Variants in PTPRE observed in about 807,000 individuals in gnomAD.
The protein encoded by PTPRE is receptor-type tyrosine-protein phosphatase epsilon.
Under a neutral mutation model 102.0 loss-of-function variants are expected in PTPRE, and 51 were observed. The observed-to-expected ratio is 0.50, with a 90% confidence interval of 0.40 to 0.63. The LOEUF is 0.63. PTPRE is among the 30% of genes least tolerant of loss of function. The pLI, the probability that PTPRE is intolerant of heterozygous loss-of-function variation, is 0.00. For synonymous variants in PTPRE, 345 were observed against 348.2 expected (o/e 0.99, Z 0.10); for missense variants, 752 against 915.1 (o/e 0.82, Z 2.30).
Position 128,047,484 on chromosome 10 carries a change from C to T in PTPRE, c.204C>T (p.Phe68=), listed in dbSNP as rs757617007. Reference sequence around the variant, plus strand: ...TCGTGCTCCTTCTCGCCGCCTACTTCTTCAGGTAGGAGTGTCCCGGGGCAC... The same window carrying T: ...TCGTGCTCCTTCTCGCCGCCTACTTTTTCAGGTAGGAGTGTCCCGGGGCAC... ...LLLVLLLAAY[F]FRFRKQRKAV... is the part of the protein sequence containing the mutation. The change falls in exon 4 of 21, where the codon TTC becomes TTT. Residue 68 remains phenylalanine, a synonymous_variant. Transcript: ENST00000254667. 2 of 1,613,364 alleles carry T rather than the reference C, an allele frequency of 1.2e-6. No homozygotes were observed. The highest frequency in any genetic ancestry group is 1.7e-6 in the Non-Finnish European group (2 of 1,180,024).
At chr10:127,949,402 A>C (rs976596195) in intron 1 of PTPRE, among the ~76,000 whole-genome samples, 6 of 152,156 alleles carry the variant, frequency 3.9e-5, no homozygotes, top group African/African-American at 1.4e-4. Flanking sequence ...AGTTTCTGGA[A>C]TTGGCTCTCT....
intron 1 of PTPRE, among the ~76,000 whole-genome samples, chr10:127,961,438 G>A (rs1327886572): frequency 1.3e-5 from 2 of 152,092 alleles, no homozygotes; most frequent in African/African-American, 2.4e-5. Context: ...GAGAGGAAAC[G>A]GTAAAGACCC....
intron 2 of PTPRE, 120 bp downstream of exon 2, chr10:127,982,416 T>A: frequency 2.9e-6 from 2 of 684,568 alleles, no homozygotes; most frequent in Non-Finnish European, 4.2e-6. Flanking sequence ...ATATGGTCAG[T>A]GTGTTATATT....
chr10:127,908,685 C>T (rs1026327677), intron 1 of PTPRE, among the ~76,000 whole-genome samples: 2 of 152,164 alleles, frequency 1.3e-5, no homozygotes, highest in East Asian at 1.9e-4. Context: ...GTGGGGGCTG[C>T]GCTGTCAGTG....
At chr10:127,918,206 G>T (rs1185846169) in intron 1 of PTPRE, among the ~76,000 whole-genome samples, 3 of 152,074 alleles carry the variant, frequency 2.0e-5, no homozygotes, top group African/African-American at 7.2e-5. Flanking sequence ...TGGCTCCCAT[G>T]ACTCTTATCT....
chr10:127,991,786 G>T (rs1852687895), intron 2 of PTPRE, among the ~76,000 whole-genome samples: 2 of 152,128 alleles, frequency 1.3e-5, no homozygotes, highest in Admixed American at 1.3e-4. Context: ...GTCCAGCAGG[G>T]ATCTGGCAAT....
intron 20 of PTPRE, among the ~76,000 whole-genome samples, chr10:128,080,815 T>C (rs2136087171): frequency 6.6e-6 from 1 of 152,350 alleles, no homozygotes; most frequent in East Asian, 1.9e-4. Context: ...GTCCAATGCC[T>C]GGCCCGTGGC....
intron 2 of PTPRE, among the ~76,000 whole-genome samples, chr10:127,985,304 T>C (rs1851987953): frequency 6.6e-6 from 1 of 152,234 alleles, no homozygotes; most frequent in South Asian, 2.1e-4. Flanking sequence ...AGCTATGGGC[T>C]GGGCGTGGTG....
At chr10:128,059,826 TC>T (rs1849364321) in intron 7 of PTPRE, among the ~76,000 whole-genome samples, 1 of 152,048 alleles carries the variant, frequency 6.6e-6, no homozygotes, top group African/African-American at 2.4e-5. Context: ...ACCAACCCAG[TC>T]CTAAGATAAC....
intron 2 of PTPRE, chr10:127,998,085 A>G (rs1853457560): frequency 6.6e-6 from 1 of 152,276 alleles, no homozygotes; most frequent in African/African-American, 2.4e-5. Context: ...CATCACCATG[A>G]CAACCAGTGG....
chr10:128,062,931 G>A (rs1036925339), intron 9 of PTPRE, 152 bp from the exon 10 acceptor site: 53 of 1,378,980 alleles, frequency 3.8e-5, no homozygotes, highest in Non-Finnish European at 4.6e-5. Flanking sequence ...TACCGGTTCC[G>A]GAACGCTTCA....
At chr10:127,963,023 C>T (rs12412502) in intron 1 of PTPRE, among the ~76,000 whole-genome samples, 1 of 152,144 alleles carries the variant, frequency 6.6e-6, no homozygotes, top group Middle Eastern at 3.4e-3. Context: ...GACTAGGGGT[C>T]TCTGGCTGAG....
chr10:127,950,781 G>T (rs1848958113), intron 1 of PTPRE, among the ~76,000 whole-genome samples: 1 of 122,962 alleles, frequency 8.1e-6, no homozygotes, highest in Admixed American at 8.4e-5. Context: ...TATGGCACTG[G>T]CTAGTTAATC....
intron 2 of PTPRE, among the ~76,000 whole-genome samples, chr10:128,024,527 C>G (rs1169436299): frequency 6.6e-6 from 1 of 152,210 alleles, no homozygotes; most frequent in Non-Finnish European, 1.5e-5. Flanking sequence ...CAAGAGGACA[C>G]TATGCGTAAT....
At chr10:127,933,305 T>C (rs1847581835) in intron 1 of PTPRE, among the ~76,000 whole-genome samples, 1 of 152,168 alleles carries the variant, frequency 6.6e-6, no homozygotes, top group African/African-American at 2.4e-5. Context: ...CTCTCCTGAG[T>C]GACTGTTTGC....
At chr10:127,981,505 A>G (rs2135463122) in intron 1 of PTPRE, among the ~76,000 whole-genome samples, 1 of 152,258 alleles carries the variant, frequency 6.6e-6, no homozygotes, top group East Asian at 1.9e-4. Flanking sequence ...TTTTTAAAAA[A>G]TAAAATAACA....
intron 1 of PTPRE, among the ~76,000 whole-genome samples, chr10:127,915,459 G>A (rs1414935490): frequency 6.6e-6 from 1 of 152,194 alleles, no homozygotes; most frequent in Non-Finnish European, 1.5e-5. Flanking sequence ...TAAGCTCATA[G>A]CAGCCCTTCG....
At chr10:128,047,690 A>C in intron 4 of PTPRE, 74 bp from the exon 5 acceptor site, 1 of 1,614,080 alleles carries the variant, frequency 6.2e-7, no homozygotes, top group South Asian at 1.1e-5. Context: ...CCTGGTGGGT[A>C]TCACTGTGCC....
intron 2 of PTPRE, among the ~76,000 whole-genome samples, chr10:128,029,212 T>A (rs1415643333): frequency 6.6e-6 from 1 of 152,048 alleles, no homozygotes; most frequent in Non-Finnish European, 1.5e-5. Context: ...GCAGAGCACC[T>A]CAAGAATCCT....
Sources: allele counts gnomAD v4.1 joint callset (sites outside exome capture counted in the v4.1 genomes callset), GRCh38; gene constraint gnomAD v4.1.1; transcripts MANE v1.5; gene names NCBI Gene and HGNC (gene_info 2026-07-23, HGNC 2026-07-21).